Variants in CDKN2B-AS1 observed in about 807,000 individuals in gnomAD.
CDKN2B-AS1 encodes CDKN2B antisense RNA 1 (non-protein coding).
At chr9:22,082,488 G>T (rs543990853) in intron 4 of CDKN2B-AS1, among the ~76,000 whole-genome samples, 20 of 152,294 alleles carry the variant, frequency 1.3e-4, no homozygotes, top group African/African-American at 4.8e-4. Context: ...GCCAGACTTG[G>T]AACTGAGTCC....
intron 4 of CDKN2B-AS1, among the ~76,000 whole-genome samples, chr9:22,096,768 C>T (rs1292242305): frequency 6.6e-6 from 1 of 152,136 alleles, no homozygotes; most frequent in Non-Finnish European, 1.5e-5. Flanking sequence ...TTTCAAGACT[C>T]AGAGATTTAG....
intron 1 of CDKN2B-AS1, among the ~76,000 whole-genome samples, chr9:22,045,543 C>T (rs1389194210): frequency 6.6e-6 from 1 of 151,908 alleles, no homozygotes; most frequent in Non-Finnish European, 1.5e-5. Flanking sequence ...CTAAACTAGT[C>T]AATTTTTTTT....
chr9:22,122,612 A>G (rs1200442566), intron 4 of CDKN2B-AS1, among the ~76,000 whole-genome samples: 1 of 152,176 alleles, frequency 6.6e-6, no homozygotes, highest in African/African-American at 2.4e-5. Context: ...TCTTCTGCAT[A>G]TAGATATCCA....
chr9:22,010,844 T>G (rs909480033), intron 1 of CDKN2B-AS1, among the ~76,000 whole-genome samples: 2 of 152,246 alleles, frequency 1.3e-5, no homozygotes, highest in African/African-American at 4.8e-5. Context: ...CAAGATAGTC[T>G]GACCCAATTC....
intron 4 of CDKN2B-AS1, among the ~76,000 whole-genome samples, chr9:22,070,917 A>G (rs1271686541): frequency 6.6e-6 from 1 of 152,130 alleles, no homozygotes; most frequent in Non-Finnish European, 1.5e-5. Flanking sequence ...ATTTAGGAAG[A>G]TGTAAGCCTA....
chr9:22,029,374 C>G (rs1230120214), intron 1 of CDKN2B-AS1: 2 of 773,854 alleles, frequency 2.6e-6, no homozygotes, highest in South Asian at 2.7e-5. Flanking sequence ...AATGTTTAGT[C>G]TGAATCTAAT....
chr9:22,004,418 C>T (rs1209125622), intron 1 of CDKN2B-AS1: 4 of 232,098 alleles, frequency 1.7e-5, no homozygotes, highest in African/African-American at 4.4e-5. Context: ...CATAAGTAAG[C>T]AGTTTTTATG....
intron 1 of CDKN2B-AS1, among the ~76,000 whole-genome samples, chr9:22,025,302 C>T (rs148194015): frequency 1.3e-5 from 2 of 152,192 alleles, no homozygotes; most frequent in Non-Finnish European, 2.9e-5. Flanking sequence ...GACTGGCCTC[C>T]TCTCCTTGAG....
At chr9:22,025,174 G>A (rs1822180075) in intron 1 of CDKN2B-AS1, among the ~76,000 whole-genome samples, 1 of 152,170 alleles carries the variant, frequency 6.6e-6, no homozygotes, top group Non-Finnish European at 1.5e-5. Flanking sequence ...AGAGATGTGG[G>A]TCAGCAATCA....
Position 21,999,525 on chromosome 9 carries a change from A to T in CDKN2B-AS1, n.29+4364A>T, listed in dbSNP as rs1820833651. Among the ~76,000 whole-genome samples, 1 of 151,990 alleles carries T rather than the reference A, an allele frequency of 6.6e-6. No homozygotes were observed. Among genetic ancestry groups the T allele is most frequent in the African/African-American group, 2.4e-5 (1 of 41,414 alleles). ...ACATACATATGTATATATGTATTTTATGTATGGATACATATGTATATATGG... is the reference window on the plus strand; with the variant it reads ...ACATACATATGTATATATGTATTTTTTGTATGGATACATATGTATATATGG... On this transcript the variant is annotated intron_variant and non_coding_transcript_variant, in intron 1 of 4. Coordinates refer to ENST00000650946, the Ensembl canonical transcript of CDKN2B-AS1. The surrounding 1 kb of genome is among the most constrained non-coding windows in gnomAD (Gnocchi z 4.7).
In CDKN2B-AS1 at chr9:22,005,762, C is replaced by CT; in HGVS notation, n.29+10602dup. On this transcript the variant is annotated intron_variant and non_coding_transcript_variant, in intron 1 of 4. Transcript: ENST00000650946. The surrounding 1 kb of genome is among the most constrained non-coding windows in gnomAD (Gnocchi z 4.9). ...TAAATATCCCTGGAAATCCGCTTCT[C>CT]TGTGTTTCGCTTCATGGTGAGTGTC... 1.6e-6 allele frequency: 1 copy of CT among 619,830 alleles called. No homozygotes were observed. Among genetic ancestry groups the CT allele is most frequent in the South Asian group, 1.9e-5 (1 of 51,884 alleles). The allele number at this position is 619,830 out of a possible 1,614,324, so 38.4% of individuals were successfully genotyped here. A position where few individuals can be genotyped will look rare whatever the true frequency, so the allele number is the denominator to read the frequency against.
rs188940645 is a variant in CDKN2B-AS1 at position 22,008,623 on chromosome 9, C to G, written n.29+13462C>G. On this transcript the variant is annotated intron_variant and non_coding_transcript_variant, in intron 1 of 4. Coordinates refer to ENST00000650946, the Ensembl canonical transcript of CDKN2B-AS1. ...TTAAACAGTGGGTTTTTCAATGTCT[C>G]TCTTTAGGATTTTTGCTGGGTAAAA... 13 of 1,571,808 alleles carry G rather than the reference C, an allele frequency of 8.3e-6. No individual in the cohort carries two copies. In the East Asian group the frequency reaches 2.7e-4, roughly 33 times the overall value.
intron 4 of CDKN2B-AS1, among the ~76,000 whole-genome samples, chr9:22,060,402 C>T (rs1466601127): frequency 6.6e-6 from 1 of 152,212 alleles, no homozygotes; most frequent in African/African-American, 2.4e-5. Flanking sequence ...GTCACATTTG[C>T]TCCAGTTCCC....
intron 4 of CDKN2B-AS1, among the ~76,000 whole-genome samples, chr9:22,106,844 TC>T: frequency 6.6e-6 from 1 of 152,180 alleles, no homozygotes; most frequent in Admixed American, 6.5e-5. Context: ...TCTAATTGGA[TC>T]TTAACAACAA....
intron 1 of CDKN2B-AS1, among the ~76,000 whole-genome samples, chr9:22,011,545 G>C (rs980406223): frequency 1.3e-5 from 2 of 152,140 alleles, no homozygotes; most frequent in African/African-American, 4.8e-5. Context: ...CGACTTCAGA[G>C]TCTTTTTACC....
chr9:22,016,254 C>T (rs1358478513), intron 1 of CDKN2B-AS1, among the ~76,000 whole-genome samples: 6 of 152,164 alleles, frequency 3.9e-5, no homozygotes, highest in Non-Finnish European at 7.4e-5. Flanking sequence ...CGTGAAGGAC[C>T]TCTTCAAGGA....
In CDKN2B-AS1 at chr9:22,024,060, A is replaced by T. The variant is rs1822125345; in HGVS notation, n.30-22691A>T. Among the ~76,000 whole-genome samples the T allele has an allele frequency of 1.3e-5, 2 of 152,060 alleles. 1 individual carries two copies. Among genetic ancestry groups the T allele is most frequent in the African/African-American group, 4.8e-5 (2 of 41,394 alleles). ...AGTGTTCTTGTGCTGATTATTTCTTATCTTTGTGGGCTCATCTACCTTCAA... is the reference window on the plus strand; with the variant it reads ...AGTGTTCTTGTGCTGATTATTTCTTTTCTTTGTGGGCTCATCTACCTTCAA... On this transcript the variant is annotated intron_variant and non_coding_transcript_variant, in intron 1 of 4. Coordinates refer to ENST00000650946, the Ensembl canonical transcript of CDKN2B-AS1.
chr9:22,125,804 T>C (rs191996219), intron 4 of CDKN2B-AS1, among the ~76,000 whole-genome samples: 3 of 152,216 alleles, frequency 2.0e-5, no homozygotes, highest in East Asian at 3.9e-4. Context: ...AATAGGGAAA[T>C]TGTTCAACAA....
Position 21,996,982 on chromosome 9 carries a change from G to A in CDKN2B-AS1, n.29+1821G>A, listed in dbSNP as rs998778148. Among the ~76,000 whole-genome samples the A allele has an allele frequency of 3.9e-5, 6 of 152,194 alleles. No homozygotes were observed. The highest frequency in any genetic ancestry group is 1.2e-4 in the African/African-American group (5 of 41,442). Reference sequence around the variant, plus strand: ...CAGGGAAACAGAACCCATTGTGTGTGTGTGCGTGCCAGTACCACACATATG... The same window carrying A: ...CAGGGAAACAGAACCCATTGTGTGTATGTGCGTGCCAGTACCACACATATG... On this transcript the variant is annotated intron_variant and non_coding_transcript_variant, in intron 1 of 4. Coordinates refer to ENST00000650946, the Ensembl canonical transcript of CDKN2B-AS1. The surrounding 1 kb of genome is among the most constrained non-coding windows in gnomAD (Gnocchi z 5.4).
Sources: allele counts gnomAD v4.1 joint callset (sites outside exome capture counted in the v4.1 genomes callset), GRCh38; gene constraint gnomAD v4.1.1; non-coding constraint Gnocchi (gnomAD v3.1); transcripts MANE v1.5; gene names NCBI Gene and HGNC (gene_info 2026-07-23, HGNC 2026-07-21).